Variants in PHC2 observed in about 807,000 individuals in gnomAD.
The protein encoded by PHC2 is polyhomeotic-like protein 2.
PHC2 carries 29 observed loss-of-function variants against 87.4 expected under a neutral mutation model. The ratio of observed to expected loss-of-function variants is 0.33; its 90% CI spans 0.25 to 0.45. PHC2 has a LOEUF of 0.45. Ranked by LOEUF, PHC2 falls within the 20% of genes least tolerant of loss-of-function variation. PHC2 has a pLI of 1.00. For synonymous variants in PHC2, 438 were observed against 461.7 expected (o/e 0.95, Z 0.66); for missense variants, 857 against 1,136.7 (o/e 0.75, Z 3.54).
rs774448648 is a variant in PHC2 at position 33,367,271 on chromosome 1, G to A, written c.821C>T (p.Ala274Val). ...GCCAGGCTTGGCACCTGCAGGGGAA[G>A]CCTGAGCAGTATTTCTGCTCTGTGC... ...TPAQSRNTAQ[A>V]SPAGAKPGIA... The change falls in exon 7 of 15, where the codon GCT becomes GTT. Residue 274 changes from alanine to valine, a missense_variant. Physicochemically the swap from Ala to Val is moderately conservative, Grantham distance 64. Transcript: ENST00000683057. The A allele has an allele frequency of 8.1e-6, 13 of 1,614,184 alleles. No individual in the cohort carries two copies. In the Admixed American group the frequency reaches 1.2e-4, roughly 14 times the overall value.
chr1:33,397,518 TTAAG>T (rs1649345679), intron 1 of PHC2, among the ~76,000 whole-genome samples: 1 of 152,158 alleles, frequency 6.6e-6, no homozygotes, highest in East Asian at 1.9e-4. Context: ...CGCAGAAAGG[TTAAG>T]TAACTTGCTT....
intron 14 of PHC2, among the ~76,000 whole-genome samples, chr1:33,328,378 A>ATTTTTTTT (rs10631917): frequency 1.5e-5 from 2 of 133,682 alleles, no homozygotes; most frequent in African/African-American, 5.7e-5. Flanking sequence ...TCTTAATTAA[A>ATTTTTTTT]TTTTTTTTTT....
Position 33,430,084 on chromosome 1 carries a change from AG to A in PHC2, c.-55+891del, listed in dbSNP as rs1650839265. The stretch of plus-strand genomic sequence containing the variant: ...GCCACCAGTCTTAGTGAATTGGGGG[AG>A]GGGGATAATTACAAGAAGACACTTC... On this transcript the variant is annotated intron_variant, in intron 1 of 14. Transcript: ENST00000683057. Among the ~76,000 whole-genome samples, 2 of 152,014 alleles carry A rather than the reference AG, an allele frequency of 1.3e-5. 1 individual carries two copies. The highest frequency in any genetic ancestry group is 4.2e-4 in the South Asian group (2 of 4,804).
At chr1:33,343,666 C>T (rs568204618) in intron 9 of PHC2, among the ~76,000 whole-genome samples, 17 of 152,290 alleles carry the variant, frequency 1.1e-4, no homozygotes, top group Admixed American at 2.6e-4. Context: ...GGAGTGCCAA[C>T]GTCACTGAGA....
At chr1:33,377,477 A>G (rs1465147439) in intron 1 of PHC2, among the ~76,000 whole-genome samples, 2 of 152,022 alleles carry the variant, frequency 1.3e-5, no homozygotes, top group African/African-American at 4.8e-5. Context: ...GGCAGTGGAG[A>G]GGGGTTGGGA....
rs766442879 is a variant in PHC2 at position 33,330,060 on chromosome 1, C to T, written c.2148+11G>A. 3.7e-6 allele frequency: 6 copies of T among 1,612,442 alleles called. No homozygotes were observed. The highest frequency in any genetic ancestry group is 2.7e-5 in the African/African-American group (2 of 75,032). On this transcript the variant is annotated intron_variant, in intron 13 of 14. Coordinates refer to ENST00000683057, the MANE Select transcript of PHC2 (RefSeq NM_001385109.1). ...GTGGGGATGGAGCTTCAGGCTCTGC[C>T]CGCCTCTTACCTGCTTCTTGGTATC...
At chr1:33,355,505 C>G (rs1264577861) in intron 7 of PHC2, among the ~76,000 whole-genome samples, 1 of 152,226 alleles carries the variant, frequency 6.6e-6, no homozygotes, top group African/African-American at 2.4e-5. Flanking sequence ...CCCCAAAGCT[C>G]AACTCCTCAA....
chr1:33,363,848 T>C (rs1442507827), intron 7 of PHC2: 11 of 985,216 alleles, frequency 1.1e-5, no homozygotes, highest in Non-Finnish European at 1.3e-5. Flanking sequence ...TCGGCTTCCC[T>C]GAAGGCCAGG....
intron 5 of PHC2, 145 bp downstream of exon 5, chr1:33,370,276 C>A: frequency 1.4e-6 from 1 of 725,592 alleles, no homozygotes; most frequent in Non-Finnish European, 2.2e-6. Flanking sequence ...CTCAGCCTTC[C>A]AGGCCCCCTT....
chr1:33,392,165 G>A lies in PHC2; in HGVS notation c.-54-16572C>T, dbSNP rs529880911. Among the ~76,000 whole-genome samples, 530 of 113,070 alleles carry A rather than the reference G, an allele frequency of 4.7e-3. 3 individuals carry two copies. The highest frequency in any genetic ancestry group is 0.024 in the African/African-American group (505 of 21,390). 74.2% of individuals were successfully genotyped at this position (113,070 alleles called of 152,430 possible). ...GTGCTTCAGCTGTGTGCACACATAC[G>A]TGCACACACACACACACACACACAT... On this transcript the variant is annotated intron_variant, in intron 1 of 14. Coordinates refer to ENST00000683057, the MANE Select transcript of PHC2 (RefSeq NM_001385109.1).
chr1:33,378,322 G>T (rs1648288310), intron 1 of PHC2, among the ~76,000 whole-genome samples: 1 of 152,146 alleles, frequency 6.6e-6, no homozygotes, highest in South Asian at 2.1e-4. Context: ...TAAAGGTGAG[G>T]TGCAATTGAA....
At chr1:33,402,581 T>C (rs961123762) in intron 1 of PHC2, among the ~76,000 whole-genome samples, 2 of 152,100 alleles carry the variant, frequency 1.3e-5, no homozygotes, top group African/African-American at 4.8e-5. Context: ...TAAAAATACA[T>C]TATGGCATGT....
intron 1 of PHC2, among the ~76,000 whole-genome samples, chr1:33,395,040 T>C (rs1649237677): frequency 6.6e-6 from 1 of 152,190 alleles, no homozygotes; most frequent in African/African-American, 2.4e-5. Flanking sequence ...CTTGTACAAA[T>C]ACGTTCATAG....
chr1:33,367,498 A>C (rs1000290956), intron 6 of PHC2, 70 bp from the exon 7 acceptor site: 2 of 1,218,592 alleles, frequency 1.6e-6, no homozygotes, highest in South Asian at 3.0e-5. Context: ...ACTAAGAGGG[A>C]GAGAGGGATG....
chr1:33,345,567 G>A, intron 9 of PHC2: 1 of 985,168 alleles, frequency 1.0e-6, no homozygotes, highest in Non-Finnish European at 1.2e-6. Context: ...GAATCTCAGA[G>A]CAACGGTTTA....
intron 1 of PHC2, among the ~76,000 whole-genome samples, chr1:33,391,738 A>G (rs1444888190): frequency 6.6e-6 from 1 of 152,062 alleles, no homozygotes; most frequent in East Asian, 1.9e-4. Flanking sequence ...AGAGAGGCTG[A>G]GCTGAGGAGA....
At chr1:33,327,794 G>C (rs1029349637) in intron 14 of PHC2, among the ~76,000 whole-genome samples, 2 of 152,172 alleles carry the variant, frequency 1.3e-5, no homozygotes, top group Non-Finnish European at 2.9e-5. Flanking sequence ...GGCAAATCAC[G>C]TGAGTGAGGC....
rs1557815609 is a variant in PHC2, at chr1:33,328,774, TTAAC to T, written c.2425+92_2425+95del. ...CACCCCAGTTCCTGAACCTGAGTCA[TTAAC>T]TAAACTACCTAATCCTCCTGGTGGT... is the stretch of plus-strand genomic sequence containing the variant. On this transcript the variant is annotated intron_variant, in intron 14 of 14. Coordinates refer to ENST00000683057, the MANE Select transcript of PHC2 (RefSeq NM_001385109.1). 4 of 1,244,188 alleles carry T rather than the reference TTAAC, an allele frequency of 3.2e-6. No homozygotes were observed. In the Admixed American group the frequency reaches 6.7e-5, roughly 21 times the overall value. The allele number at this position is 1,244,188 out of a possible 1,614,324, so 77.1% of individuals were successfully genotyped here. A position where few individuals can be genotyped will look rare whatever the true frequency, so the allele number is the denominator to read the frequency against.
chr1:33,406,095 A>G (rs1649751432), intron 1 of PHC2, among the ~76,000 whole-genome samples: 1 of 152,248 alleles, frequency 6.6e-6, no homozygotes, highest in Admixed American at 6.5e-5. Context: ...GAATGTAAAT[A>G]TAAAACACCT....
Sources: gnomAD v4.1 joint callset for allele counts (sites outside exome capture counted in the v4.1 genomes callset) on GRCh38, gnomAD v4.1.1 for gene constraint, MANE v1.5 for transcripts, NCBI Gene and HGNC (gene_info 2026-07-23, HGNC 2026-07-21) for gene names.